Variants in HECA observed in about 807,000 individuals in gnomAD.
HECA encodes HECA ribonucleoprotein granule regulator.
Under a neutral mutation model 37.6 loss-of-function variants are expected in HECA, and 13 were observed. The ratio of observed to expected loss-of-function variants is 0.35; its 90% CI spans 0.23 to 0.55. HECA has a LOEUF of 0.55. Ranked by LOEUF, HECA falls within the 20% of genes least tolerant of loss-of-function variation. The pLI is 0.90. For synonymous variants in HECA, 307 were observed against 291.5 expected (o/e 1.05, Z -0.54); for missense variants, 527 against 701.9 (o/e 0.75, Z 2.82).
intron 1 of HECA, among the ~76,000 whole-genome samples, chr6:139,158,881 C>G (rs911285788): frequency 6.6e-6 from 1 of 152,000 alleles, no homozygotes; most frequent in Non-Finnish European, 1.5e-5. Flanking sequence ...CAAGACCAGC[C>G]TGACCAACAT....
chr6:139,167,798 A>C (rs2114476625), intron 2 of HECA, among the ~76,000 whole-genome samples: 1 of 152,188 alleles, frequency 6.6e-6, no homozygotes, highest in East Asian at 1.9e-4. Context: ...TAGCAGCAAA[A>C]GGTAAACAGG....
chr6:139,160,504 C>G (rs1348920955), intron 1 of HECA, among the ~76,000 whole-genome samples: 1 of 152,228 alleles, frequency 6.6e-6, no homozygotes, highest in Non-Finnish European at 1.5e-5. Context: ...GCCTCAATTT[C>G]CTCGACTCAC....
In HECA at chr6:139,180,774, A is replaced by G. The variant is rs767094565; in HGVS notation, c.*3669A>G. 2 of 152,628 alleles carry G rather than the reference A, an allele frequency of 1.3e-5. No individual in the cohort carries two copies. The highest frequency in any genetic ancestry group is 2.4e-5 in the African/African-American group (1 of 41,456). The allele number at this position is 152,628 out of a possible 1,614,324, so 9.5% of individuals were successfully genotyped here. A position where few individuals can be genotyped will look rare whatever the true frequency, so the allele number is the denominator to read the frequency against. On this transcript the variant is annotated 3_prime_UTR_variant, in exon 4 of 4. Transcript: ENST00000367658. ...GGGTTTCTGTTTGTGAAATGTATGT[A>G]TTAAAAATAATAAAATTCCAGAAAC...
intron 1 of HECA, among the ~76,000 whole-genome samples, chr6:139,158,231 G>A (rs935133647): frequency 1.8e-4 from 27 of 151,830 alleles, no homozygotes; most frequent in African/African-American, 3.4e-4. Context: ...GGCTGGGCTC[G>A]GTGGCTCATG....
intron 1 of HECA, among the ~76,000 whole-genome samples, chr6:139,140,903 A>G (rs975872594): frequency 6.6e-6 from 1 of 151,390 alleles, no homozygotes; most frequent in African/African-American, 2.4e-5. Context: ...CTATTCTCCT[A>G]CCTCAGCCTC....
intron 1 of HECA, among the ~76,000 whole-genome samples, chr6:139,138,222 G>A (rs1774474374): frequency 1.3e-5 from 2 of 152,134 alleles, no homozygotes; most frequent in African/African-American, 4.8e-5. Context: ...TTTTAAAGAG[G>A]AAGGGGCAAG....
chr6:139,175,412 A>G (rs550746431), intron 3 of HECA, among the ~76,000 whole-genome samples: 1 of 152,292 alleles, frequency 6.6e-6, no homozygotes, highest in South Asian at 2.1e-4. Flanking sequence ...ATTTTTGTAA[A>G]GAGAGTATCT....
At chr6:139,137,884 A>C (rs1417861470) in intron 1 of HECA, among the ~76,000 whole-genome samples, 1 of 152,116 alleles carries the variant, frequency 6.6e-6, no homozygotes, top group Non-Finnish European at 1.5e-5. Flanking sequence ...TATTTTATTA[A>C]GTGAAAGGCG....
intron 1 of HECA, among the ~76,000 whole-genome samples, chr6:139,159,613 G>GC (rs1223965002): frequency 2.0e-5 from 3 of 152,166 alleles, no homozygotes; most frequent in Non-Finnish European, 4.4e-5. Flanking sequence ...TGCCTCCCCA[G>GC]CAGCTGGGCT....
At chr6:139,149,536 G>A (rs1242641713) in intron 1 of HECA, among the ~76,000 whole-genome samples, 1 of 152,206 alleles carries the variant, frequency 6.6e-6, no homozygotes, top group Non-Finnish European at 1.5e-5. Context: ...TGCACACACT[G>A]ATTTGTTGGA....
chr6:139,155,130 G>C (rs1336276699), intron 1 of HECA, among the ~76,000 whole-genome samples: 1 of 152,214 alleles, frequency 6.6e-6, no homozygotes, highest in African/African-American at 2.4e-5. Flanking sequence ...ACGTAGGCCA[G>C]ATGGTATACC....
At position 139,166,346 on chromosome 6, in the gene HECA, G is replaced by A; in HGVS notation, c.334G>A (p.Asp112Asn). The A allele has an allele frequency of 1.9e-6, 3 of 1,613,914 alleles. No homozygotes were observed. The highest frequency in any genetic ancestry group is 2.5e-6 in the Non-Finnish European group (3 of 1,179,824). ...FGRPVDLEKDDYQKVVCNNEH... is the reference protein window; with the variant it reads ...FGRPVDLEKDNYQKVVCNNEH... The stretch of plus-strand genomic sequence containing the variant: ...TAGGCCGGTGGACCTGGAGAAGGAC[G>A]ACTACCAGAAGGTGGTGTGCAACAA... The change falls in exon 2 of 4, where the codon GAC (aspartate) becomes AAC (asparagine). Residue 112 changes from aspartate to asparagine, a missense_variant. Asp to Asn is a conservative substitution (Grantham distance 23). Coordinates refer to ENST00000367658, the MANE Select transcript of HECA (RefSeq NM_016217.3).
intron 3 of HECA, among the ~76,000 whole-genome samples, chr6:139,175,479 T>G (rs766529059): frequency 1.2e-4 from 19 of 152,358 alleles, no homozygotes; most frequent in South Asian, 2.1e-4. Flanking sequence ...TGTGCCTTGA[T>G]GCCAGCTCTT....
At chr6:139,144,928 G>T (rs72978630) in intron 1 of HECA, among the ~76,000 whole-genome samples, 4,196 of 152,268 alleles carry the variant, frequency 0.028, 69 homozygotes, top group Non-Finnish European at 0.039. Context: ...ACTAATTGAG[G>T]TTAACATCAG....
intron 1 of HECA, among the ~76,000 whole-genome samples, chr6:139,149,230 A>T (rs1469039545): frequency 6.6e-6 from 1 of 152,176 alleles, no homozygotes; most frequent in Non-Finnish European, 1.5e-5. Flanking sequence ...GTGATTTGGA[A>T]GAGGTTTCCA....
At position 139,180,148 on chromosome 6, in the gene HECA, T is replaced by C. The variant is rs576365453; in HGVS notation, c.*3043T>C. The stretch of plus-strand genomic sequence containing the variant: ...CATTCTAGTTACAGAGGAGCTTTCC[T>C]TAAATGCCCTTTAACTTCTAGGTTT... On this transcript the variant is annotated 3_prime_UTR_variant, in exon 4 of 4. Transcript: ENST00000367658. The C allele has an allele frequency of 2.0e-5, 3 of 152,318 alleles. No individual in the cohort carries two copies. Among genetic ancestry groups the C allele is most frequent in the Admixed American group, 2.0e-4 (3 of 15,300 alleles). The allele number at this position is 152,318 out of a possible 1,614,324, so 9.4% of individuals were successfully genotyped here.
rs1390982675 is a variant in HECA, at chr6:139,166,490, C to T, written c.478C>T (p.Arg160Cys). The T allele has an allele frequency of 1.2e-6, 2 of 1,614,040 alleles. No homozygotes were observed. The highest frequency in any genetic ancestry group is 1.7e-6 in the Non-Finnish European group (2 of 1,180,010). The change falls in exon 2 of 4, where the codon CGC (arginine) becomes TGC (cysteine). Residue 160 changes from arginine to cysteine, a missense_variant. Transcript: ENST00000367658. ...RARSWNEKQC[R>C]QNMWTKKGYD... The stretch of plus-strand genomic sequence containing the variant: ...GCGCAGCTGGAACGAGAAGCAATGC[C>T]GCCAGAACATGTGGACAAAGAAGGG...
At chr6:139,143,142 C>T (rs150612290) in intron 1 of HECA, among the ~76,000 whole-genome samples, 4 of 152,286 alleles carry the variant, frequency 2.6e-5, no homozygotes, top group East Asian at 1.9e-4. Flanking sequence ...CTATAACTTA[C>T]GCTATAGCAG....
intron 1 of HECA, among the ~76,000 whole-genome samples, chr6:139,136,310 T>C (rs1409081849): frequency 6.6e-6 from 1 of 151,114 alleles, no homozygotes; most frequent in Non-Finnish European, 1.5e-5. Context: ...AGAAAAATCA[T>C]TCTCTATGTC....
Sources: gnomAD v4.1 joint callset for allele counts (sites outside exome capture counted in the v4.1 genomes callset) on GRCh38, gnomAD v4.1.1 for gene constraint, MANE v1.5 for transcripts, NCBI Gene and HGNC (gene_info 2026-07-23, HGNC 2026-07-21) for gene names.